The following LANCL2 variants were observed in gnomAD, a reference collection of about 807,000 sequenced individuals.
LANCL2 encodes lanC-like protein 2.
LANCL2 carries 33 observed loss-of-function variants against 56.9 expected under a neutral mutation model. That is an observed-to-expected ratio of 0.58 (90% confidence interval 0.44 to 0.78). LANCL2 has a LOEUF of 0.78. Ranked by LOEUF, LANCL2 falls within the 30% of genes least tolerant of loss-of-function variation. The pLI is 0.00. For missense variants in LANCL2, 562 were observed against 580.2 expected, an observed-to-expected ratio of 0.97 and a Z score of 0.32; for synonymous variants, 233 against 228.2, an observed-to-expected ratio of 1.02 and a Z score of -0.19.
intron 1 of LANCL2, among the ~76,000 whole-genome samples, chr7:55,378,482 G>A (rs909481138): frequency 6.6e-6 from 1 of 151,880 alleles, no homozygotes; most frequent in African/African-American, 2.4e-5. Flanking sequence ...AAAAGTGTGT[G>A]TGCGTATATA....
intron 3 of LANCL2, among the ~76,000 whole-genome samples, chr7:55,399,487 G>T (rs945411480): frequency 3.9e-5 from 6 of 152,020 alleles, no homozygotes; most frequent in Admixed American, 3.9e-4. Context: ...GGGATTACAA[G>T]CATGTGCCAC....
chr7:55,366,612 G>A (rs1005269115), intron 1 of LANCL2, among the ~76,000 whole-genome samples: 1 of 152,176 alleles, frequency 6.6e-6, no homozygotes, highest in Non-Finnish European at 1.5e-5. Flanking sequence ...CTGGAGGCTG[G>A]ATTTCCTTGG....
At chr7:55,381,662 G>T (rs890159483) in intron 1 of LANCL2, among the ~76,000 whole-genome samples, 1 of 152,110 alleles carries the variant, frequency 6.6e-6, no homozygotes, top group Non-Finnish European at 1.5e-5. Context: ...TTTTTAGCTG[G>T]GACAGACCCC....
intron 3 of LANCL2, 112 bp from the exon 4 acceptor site, chr7:55,399,845 G>T: frequency 9.4e-4 from 716 of 760,068 alleles, no homozygotes; most frequent in East Asian, 1.3e-3. Context: ...AAAAATAATT[G>T]TTTTAAATGT....
At chr7:55,426,753 G>A (rs576270525) in intron 7 of LANCL2, among the ~76,000 whole-genome samples, 2 of 152,336 alleles carry the variant, frequency 1.3e-5, no homozygotes, top group South Asian at 4.1e-4. Context: ...GCCCGGAGGT[G>A]TGAGCACCCA....
intron 5 of LANCL2, among the ~76,000 whole-genome samples, chr7:55,404,247 C>CCTT (rs768907877): frequency 6.6e-6 from 1 of 152,166 alleles, no homozygotes; most frequent in Non-Finnish European, 1.5e-5. Context: ...GCCTCCTCCT[C>CCTT]CTTCTTCTCC....
chr7:55,405,658 CT>C (rs11438623), intron 5 of LANCL2, among the ~76,000 whole-genome samples: 17 of 146,664 alleles, frequency 1.2e-4, no homozygotes, highest in Admixed American at 1.4e-4. Flanking sequence ...CTGGCCGGAA[CT>C]TTTTTTTTTT....
Position 55,366,301 on chromosome 7 carries a change from G to C in LANCL2, c.204+72G>C. ...GGTGGTAGCGTCCACCTTCCGCCAG[G>C]CGTGACGTCACAGGCGCGCGCCGGG... On this transcript the variant is annotated intron_variant, in intron 1 of 8. Transcript: ENST00000254770. The C allele has an allele frequency of 3.0e-6, 4 of 1,313,328 alleles. No individual in the cohort carries two copies. The South Asian group carries it at 6.2e-5, about 20-fold the overall frequency. The allele number at this position is 1,313,328 out of a possible 1,614,324, so 81.4% of individuals were successfully genotyped here.
intron 1 of LANCL2, among the ~76,000 whole-genome samples, chr7:55,381,498 G>A (rs990817421): frequency 3.3e-5 from 5 of 152,218 alleles, no homozygotes; most frequent in African/African-American, 9.6e-5. Flanking sequence ...TGAGAGGAGA[G>A]CTGCTGCCCC....
rs776840527 is a variant in LANCL2 at position 55,412,022 on chromosome 7, C to T, written c.941C>T (p.Thr314Ile). Residue 314 changes from threonine (T) to isoleucine (I), a missense_variant, in exon 6 of 9, where the codon ACA becomes ATA. By Grantham distance (89) the Thr-to-Ile change is moderately conservative. Around this residue, in one of 2 missense-constraint regions of LANCL2, gnomAD observed 378 missense variants for 468.4 expected, o/e 0.81. Transcript: ENST00000254770. ...GNYPSSLSNETDRLVHWCHGA... is the reference protein window; with the variant it reads ...GNYPSSLSNEIDRLVHWCHGA... ...TACCCATCATCATTAAGCAATGAAA[C>T]AGACCGGCTGGTGCACTGGTGCCAC... 12 of 1,614,076 alleles carry T rather than the reference C, an allele frequency of 7.4e-6. 1 individual carries two copies. In the South Asian group the frequency reaches 1.2e-4, roughly 16 times the overall value.
chr7:55,417,377 A>G (rs1051927332), intron 6 of LANCL2, among the ~76,000 whole-genome samples: 2 of 152,012 alleles, frequency 1.3e-5, no homozygotes, highest in Admixed American at 6.6e-5. Context: ...TGGTTCCTCT[A>G]TCAAAAATCA....
intron 1 of LANCL2, among the ~76,000 whole-genome samples, chr7:55,375,734 C>T (rs774213907): frequency 1.3e-4 from 20 of 152,222 alleles, no homozygotes; most frequent in Non-Finnish European, 2.6e-4. Context: ...GTCAAAGCAT[C>T]TTCAAGGCTG....
At chr7:55,430,949 T>G (rs1197061625) in intron 8 of LANCL2, among the ~76,000 whole-genome samples, 1 of 152,250 alleles carries the variant, frequency 6.6e-6, no homozygotes, top group African/African-American at 2.4e-5. Context: ...ATAACTTCCA[T>G]AGCGATTCTG....
intron 1 of LANCL2, among the ~76,000 whole-genome samples, chr7:55,390,672 T>C (rs1790177171): frequency 6.6e-6 from 1 of 151,800 alleles, no homozygotes; most frequent in Non-Finnish European, 1.5e-5. Flanking sequence ...TCCCAGCTAC[T>C]CGGGAGGCTG....
chr7:55,394,291 G>A (rs1448951105), intron 2 of LANCL2, among the ~76,000 whole-genome samples: 1 of 152,166 alleles, frequency 6.6e-6, no homozygotes, highest in Non-Finnish European at 1.5e-5. Context: ...TAGGAAGAAG[G>A]CTGGGCACAG....
At chr7:55,366,275 C>A in intron 1 of LANCL2, 46 bp downstream of exon 1, 1 of 1,405,180 alleles carries the variant, frequency 7.1e-7, no homozygotes, top group Non-Finnish European at 9.4e-7. Flanking sequence ...GGGAGCGCGG[C>A]GGTGGTAGCG....
At chr7:55,374,967 T>C (rs1395279461) in intron 1 of LANCL2, among the ~76,000 whole-genome samples, 3 of 152,218 alleles carry the variant, frequency 2.0e-5, no homozygotes, top group Non-Finnish European at 2.9e-5. Flanking sequence ...ATCAAGAGGA[T>C]TAAGTTAGAT....
chr7:55,368,463 G>A (rs1279213447), intron 1 of LANCL2, among the ~76,000 whole-genome samples: 1 of 152,172 alleles, frequency 6.6e-6, no homozygotes, highest in South Asian at 2.1e-4. Context: ...TGAAGGGAGA[G>A]ATGGATAGTG....
intron 2 of LANCL2, among the ~76,000 whole-genome samples, chr7:55,393,138 A>G (rs1790211480): frequency 6.6e-6 from 1 of 152,260 alleles, no homozygotes; most frequent in Non-Finnish European, 1.5e-5. Context: ...GATATAAAAG[A>G]TAACCTTGTT....
Sources: allele counts gnomAD v4.1 joint callset (sites outside exome capture counted in the v4.1 genomes callset), GRCh38; gene constraint gnomAD v4.1.1; regional missense constraint gnomAD v4.1.1; transcripts MANE v1.5; gene names NCBI Gene and HGNC (gene_info 2026-07-23, HGNC 2026-07-21).